The following TYW1B variants were observed in gnomAD, a reference collection of about 807,000 sequenced individuals.
The protein encoded by TYW1B is tRNA-yW synthesizing protein 1 homolog B.
TYW1B carries 73 observed loss-of-function variants against 86.9 expected under a neutral mutation model. That is an observed-to-expected ratio of 0.84 (90% CI 0.70 to 1.02). The LOEUF is 1.02. Ranked by LOEUF, TYW1B falls within the 50% of genes least tolerant of loss-of-function variation. TYW1B has a pLI of 0.00. For missense variants in TYW1B, 637 were observed against 827.4 expected, an observed-to-expected ratio of 0.77 and a Z score of 2.82; for synonymous variants, 248 against 292.8, an observed-to-expected ratio of 0.85 and a Z score of 1.56.
chr7:72,687,174 G>A (rs1195023910), intron 11 of TYW1B, among the ~76,000 whole-genome samples: 4 of 152,166 alleles, frequency 2.6e-5, no homozygotes, highest in Admixed American at 6.5e-5. Flanking sequence ...AGTGGCTCAC[G>A]CCTGTAATCC....
At chr7:72,599,255 C>A (rs1427356226) in intron 13 of TYW1B, among the ~76,000 whole-genome samples, 1 of 151,910 alleles carries the variant, frequency 6.6e-6, no homozygotes, top group Non-Finnish European at 1.5e-5. Flanking sequence ...TAATGTAATC[C>A]ATCATATCAA....
At chr7:72,804,281 T>A (rs1788456045) in intron 5 of TYW1B, among the ~76,000 whole-genome samples, 1 of 139,984 alleles carries the variant, frequency 7.1e-6, no homozygotes. Flanking sequence ...CAAGACTCCA[T>A]CTCAAAAAAA....
intron 11 of TYW1B, among the ~76,000 whole-genome samples, chr7:72,654,325 T>A (rs1191078257): frequency 6.6e-6 from 1 of 152,126 alleles, no homozygotes; most frequent in Non-Finnish European, 1.5e-5. Flanking sequence ...CCAAAACACA[T>A]AAGCACAATT....
At chr7:72,703,331 A>G (rs1321498175) in intron 10 of TYW1B, among the ~76,000 whole-genome samples, 3 of 151,794 alleles carry the variant, frequency 2.0e-5, no homozygotes, top group African/African-American at 7.2e-5. Flanking sequence ...GCTTATCAGT[A>G]TATTTTCTAT....
intron 13 of TYW1B, among the ~76,000 whole-genome samples, chr7:72,608,036 G>T (rs1474597302): frequency 6.6e-6 from 1 of 152,188 alleles, no homozygotes; most frequent in Non-Finnish European, 1.5e-5. Context: ...AGAGAAGTCA[G>T]AAAGAAAGAA....
intron 11 of TYW1B, among the ~76,000 whole-genome samples, chr7:72,653,475 C>T (rs1338190219): frequency 2.0e-5 from 3 of 151,994 alleles, no homozygotes; most frequent in South Asian, 2.1e-4. Flanking sequence ...GGCGTGGTGG[C>T]GAGCACCTGT....
At chr7:72,751,152 C>T (rs543842634) in intron 7 of TYW1B, among the ~76,000 whole-genome samples, 2 of 152,138 alleles carry the variant, frequency 1.3e-5, no homozygotes, top group African/African-American at 4.8e-5. Flanking sequence ...ATTCTCCTAC[C>T]TCAGCCTCCC....
rs2960909 is a variant in TYW1B at position 72,593,339 on chromosome 7, A to G, written c.1786-17620T>C. ...AGAAAATAAAGCACTTGAAGGGCAC[A>G]ATAAGCCAACTTGATTTAACAGGCA... On this transcript the variant is annotated intron_variant, in intron 13 of 13. Transcript: ENST00000620995. Among the ~76,000 whole-genome samples, 9 of 151,910 alleles carry G rather than the reference A, an allele frequency of 5.9e-5. No homozygotes were observed. In the East Asian group the frequency reaches 1.5e-3, roughly 26 times the overall value.
intron 11 of TYW1B, among the ~76,000 whole-genome samples, chr7:72,670,013 C>G (rs1471718071): frequency 1.3e-5 from 2 of 152,028 alleles, no homozygotes; most frequent in African/African-American, 4.8e-5. Context: ...TGCCTGTAGT[C>G]TCAGCTGCTC....
intron 7 of TYW1B, among the ~76,000 whole-genome samples, chr7:72,757,318 A>G (rs1257225982): frequency 6.6e-6 from 1 of 151,280 alleles, no homozygotes; most frequent in African/African-American, 2.4e-5. Flanking sequence ...CAGTGAGCCA[A>G]GATCGCACCA....
chr7:72,671,638 G>C (rs2844195), intron 11 of TYW1B, among the ~76,000 whole-genome samples: 1 of 151,954 alleles, frequency 6.6e-6, no homozygotes, highest in Non-Finnish European at 1.5e-5. Context: ...TATATTTAAG[G>C]GCTGTGTGGA....
At chr7:72,725,118 G>C (rs1267271443) in intron 9 of TYW1B, among the ~76,000 whole-genome samples, 4 of 152,162 alleles carry the variant, frequency 2.6e-5, no homozygotes, top group African/African-American at 9.7e-5. Context: ...AAAAACACGT[G>C]CTCACGGAAC....
chr7:72,613,665 T>TC (rs1554436370), intron 13 of TYW1B, among the ~76,000 whole-genome samples: 1 of 151,826 alleles, frequency 6.6e-6, no homozygotes, highest in African/African-American at 2.4e-5. Flanking sequence ...ACCTCAGCCT[T>TC]CCTCCCAAAG....
chr7:72,761,609 G>GT (rs1226454025), intron 7 of TYW1B, among the ~76,000 whole-genome samples: 1 of 149,848 alleles, frequency 6.7e-6, no homozygotes, highest in East Asian at 1.9e-4. Context: ...AAAAATTAAA[G>GT]TTTTTTTTAA....
At chr7:72,659,554 G>A (rs1270652334) in intron 11 of TYW1B, among the ~76,000 whole-genome samples, 6 of 152,104 alleles carry the variant, frequency 3.9e-5, no homozygotes, top group South Asian at 4.1e-4. Context: ...CTCTAGCCTC[G>A]GTGACCGAAG....
chr7:72,656,107 T>A (rs1813196983), intron 11 of TYW1B, among the ~76,000 whole-genome samples: 1 of 152,096 alleles, frequency 6.6e-6, no homozygotes, highest in African/African-American at 2.4e-5. Flanking sequence ...ACTGGCGCCT[T>A]ACAAATGATT....
intron 11 of TYW1B, among the ~76,000 whole-genome samples, chr7:72,691,639 G>A (rs1397723918): frequency 6.6e-6 from 1 of 152,138 alleles, no homozygotes; most frequent in Non-Finnish European, 1.5e-5. Context: ...AGATAACAAT[G>A]TCAGATGGGC....
intron 8 of TYW1B, among the ~76,000 whole-genome samples, chr7:72,730,701 AG>A (rs1554459722): frequency 1.3e-5 from 2 of 151,738 alleles, no homozygotes; most frequent in African/African-American, 4.8e-5. Flanking sequence ...GAAGAGCAGG[AG>A]GAGGAGCAGC....
intron 12 of TYW1B, among the ~76,000 whole-genome samples, chr7:72,619,947 G>A (rs2129568495): frequency 6.6e-6 from 1 of 152,212 alleles, no homozygotes; most frequent in East Asian, 1.9e-4. Flanking sequence ...TTATTACTCA[G>A]CAAAAATAGC....
Sources: gnomAD v4.1 joint callset for allele counts (sites outside exome capture counted in the v4.1 genomes callset) on GRCh38, gnomAD v4.1.1 for gene constraint, MANE v1.5 for transcripts, NCBI Gene and HGNC (gene_info 2026-07-23, HGNC 2026-07-21) for gene names.